Variants in SMPX observed in about 807,000 individuals in gnomAD.
The protein encoded by SMPX is small muscle protein X-linked.
A neutral mutation model predicts 6.3 loss-of-function variants in SMPX; 2 were observed. The ratio of observed to expected loss-of-function variants is 0.32; its 90% confidence interval spans 0.13 to 0.99. The LOEUF (loss-of-function observed/expected upper bound fraction) is 0.99, where lower values mean the gene tolerates loss of function less well. Among genes scored for constraint, SMPX ranks in the 50% least tolerant of loss-of-function variants. SMPX has a pLI of 0.49. For missense variants in SMPX, 60 were observed against 66.8 expected (o/e 0.90, Z 0.36); for synonymous variants, 32 against 24.7 (o/e 1.30, Z -0.88).
chrX:21,754,305 A>T lies in SMPX; in HGVS notation c.-12-3T>A, dbSNP rs762689770. ...GACATATTCATGCAGTCTTATCCCT[A>T]AAAAAACAAGTAAGAAACTGTTAGA... On this transcript the variant is annotated splice_polypyrimidine_tract_variant and splice_region_variant and intron_variant, in intron 1 of 4. Transcript: ENST00000379494. 1 of 1,193,314 alleles carries T rather than the reference A, an allele frequency of 8.4e-7. No individual in the cohort carries two copies. The highest frequency in any genetic ancestry group is 1.1e-6 in the Non-Finnish European group (1 of 878,635).
In SMPX at chrX:21,706,336, A is replaced by G. The variant is rs1389707960; in HGVS notation, c.*73T>C. 12 of 470,528 alleles carry G rather than the reference A, an allele frequency of 2.6e-5. 1 individual carries two copies. In the South Asian group the frequency reaches 3.2e-4, roughly 12 times the overall value. The allele number at this position is 470,528 out of a possible 1,213,427, so 38.8% of individuals were successfully genotyped here. A position where few individuals can be genotyped will look rare whatever the true frequency, so the allele number is the denominator to read the frequency against. ...AGGTTCACAATCATCATACAAATAT[A>G]TAAAATTTTAGTGAGCTATTGAATC... On this transcript the variant is annotated 3_prime_UTR_variant, in exon 5 of 5. Coordinates refer to ENST00000379494, the MANE Select transcript of SMPX (RefSeq NM_014332.3).
At chrX:21,731,439 G>A (rs1259957401) in intron 4 of SMPX, among the ~76,000 whole-genome samples, 2 of 92,440 alleles carry the variant, frequency 2.2e-5, no homozygotes, top group South Asian at 1.1e-3. Context: ...ATGTGTGTAT[G>A]TGTACACATA....
intron 4 of SMPX, among the ~76,000 whole-genome samples, chrX:21,716,066 C>G (rs995718951): frequency 8.9e-6 from 1 of 111,945 alleles, no homozygotes; most frequent in African/African-American, 3.2e-5. Flanking sequence ...ATTTTCTAAT[C>G]AACTTCAATG....
intron 4 of SMPX, among the ~76,000 whole-genome samples, chrX:21,721,973 G>A (rs1602101544): frequency 1.8e-5 from 2 of 110,671 alleles, no homozygotes; most frequent in African/African-American, 6.6e-5. Flanking sequence ...ACTAGCCTGG[G>A]CAACATGGTG....
chrX:21,738,893 C>T (rs1300326466), intron 3 of SMPX, among the ~76,000 whole-genome samples: 1 of 111,284 alleles, frequency 9.0e-6, no homozygotes, highest in Non-Finnish European at 1.9e-5. Context: ...TCGGGCAACT[C>T]CCTCCCATTT....
intron 2 of SMPX, among the ~76,000 whole-genome samples, chrX:21,751,485 TAA>T (rs1424431602): frequency 8.9e-6 from 1 of 112,103 alleles, no homozygotes; most frequent in Non-Finnish European, 1.9e-5. Flanking sequence ...TCCTATGAGA[TAA>T]AGACTGTTAC....
intron 2 of SMPX, among the ~76,000 whole-genome samples, chrX:21,749,094 A>C: frequency 8.9e-6 from 1 of 112,372 alleles, no homozygotes; most frequent in East Asian, 2.8e-4. Flanking sequence ...GAAGTACTGA[A>C]ACATGGAGCA....
chrX:21,741,317 T>C (rs181575836), intron 3 of SMPX, among the ~76,000 whole-genome samples: 1 of 112,494 alleles, frequency 8.9e-6, no homozygotes, highest in African/African-American at 3.2e-5. Flanking sequence ...ACAGTAATTA[T>C]CCTCATGCAA....
intron 2 of SMPX, among the ~76,000 whole-genome samples, chrX:21,752,524 T>C (rs2092828495): frequency 9.0e-6 from 1 of 110,556 alleles, no homozygotes. Context: ...TGTTTTTTGG[T>C]TTTTTTTAAG....
intron 2 of SMPX, among the ~76,000 whole-genome samples, chrX:21,753,911 A>T (rs1020610720): frequency 3.5e-5 from 4 of 112,777 alleles, no homozygotes; most frequent in Non-Finnish European, 5.6e-5. Context: ...GTTTGTGCAC[A>T]TATCAATTGG....
chrX:21,724,538 A>G (rs770639824), intron 4 of SMPX, among the ~76,000 whole-genome samples: 3 of 112,345 alleles, frequency 2.7e-5, no homozygotes, highest in Non-Finnish European at 5.6e-5. Flanking sequence ...TTTCCATGTC[A>G]GTGACAAAAG....
chrX:21,711,751 C>G (rs1162787538), intron 4 of SMPX, among the ~76,000 whole-genome samples: 2 of 111,803 alleles, frequency 1.8e-5, no homozygotes, highest in African/African-American at 6.5e-5. Flanking sequence ...AGGGGCAGTG[C>G]AATGATTACT....
At chrX:21,754,480 G>A (rs1161219941) in intron 1 of SMPX, among the ~76,000 whole-genome samples, 178 bp from the exon 2 acceptor site, 1 of 111,534 alleles carries the variant, frequency 9.0e-6, no homozygotes, top group Admixed American at 9.5e-5. Flanking sequence ...TCGGGTGAGG[G>A]AACACTAGAG....
intron 4 of SMPX, among the ~76,000 whole-genome samples, chrX:21,731,525 CACATACACATTATGTGTGTATGTGTAT>C (rs1569306557): frequency 1.3e-4 from 8 of 60,096 alleles, no homozygotes; most frequent in South Asian, 1.1e-3. Flanking sequence ...TGTATGTGTA[CACATACACATTATGTGTGTATGTGTAT>C]ATATACACAT....
At chrX:21,727,487 T>C (rs916331964) in intron 4 of SMPX, 36 of 112,044 alleles carry the variant, frequency 3.2e-4, no homozygotes, top group African/African-American at 1.1e-3. Flanking sequence ...GAAGTGCCAC[T>C]ATCTTCTAGG....
chrX:21,725,400 G>A (rs142894173), intron 4 of SMPX, among the ~76,000 whole-genome samples: 1 of 112,444 alleles, frequency 8.9e-6, no homozygotes, highest in African/African-American at 3.2e-5. Flanking sequence ...GGAAAATGCT[G>A]TATAAAGTCC....
At chrX:21,742,989 G>A (rs750443999) in intron 3 of SMPX, among the ~76,000 whole-genome samples, 1 of 112,072 alleles carries the variant, frequency 8.9e-6, no homozygotes, top group South Asian at 3.7e-4. Context: ...GACCTTCCAG[G>A]TTTCAGCAGA....
chrX:21,726,914 T>C (rs780559486), intron 4 of SMPX, among the ~76,000 whole-genome samples: 5 of 112,350 alleles, frequency 4.5e-5, no homozygotes, highest in African/African-American at 1.3e-4. Flanking sequence ...GGGATAACTG[T>C]TTTCCAACAT....
chrX:21,709,377 T>C (rs1303172634), intron 4 of SMPX, among the ~76,000 whole-genome samples: 1 of 112,302 alleles, frequency 8.9e-6, no homozygotes, highest in Admixed American at 9.4e-5. Context: ...ATTGTGATTA[T>C]TTGCTTATAT....
Sources: gnomAD v4.1 joint callset for allele counts (sites outside exome capture counted in the v4.1 genomes callset) on GRCh38, gnomAD v4.1.1 for gene constraint, MANE v1.5 for transcripts, NCBI Gene and HGNC (gene_info 2026-07-23, HGNC 2026-07-21) for gene names.